DNAJC13: variants seen among roughly 807,000 people sequenced by gnomAD.
DNAJC13 encodes DnaJ heat shock protein family (Hsp40) member C13.
DNAJC13 carries 75 observed loss-of-function variants against 290.5 expected under a neutral mutation model. The observed-to-expected ratio is 0.26, with a 90% CI of 0.21 to 0.31. DNAJC13 has a LOEUF of 0.31. Ranked by LOEUF, DNAJC13 falls within the 10% of genes least tolerant of loss-of-function variation. The pLI is 1.00. For synonymous variants in DNAJC13, 862 were observed against 892.0 expected (o/e 0.97, Z 0.60); for missense variants, 2,260 against 2,674.5 (o/e 0.85, Z 3.42).
At chr3:132,461,278 G>A in intron 15 of DNAJC13, 73 bp downstream of exon 15, 14 of 1,517,726 alleles carry the variant, frequency 9.2e-6, no homozygotes, top group Non-Finnish European at 1.3e-5. Context: ...CTGTTTCTAA[G>A]ATAACATTTG....
At chr3:132,447,185 G>GT in intron 3 of DNAJC13, 136 bp from the exon 4 acceptor site, 1 of 728,752 alleles carries the variant, frequency 1.4e-6, no homozygotes, top group South Asian at 4.9e-5. Flanking sequence ...CAGAATTACT[G>GT]TAAGACACAA....
At chr3:132,463,618 T>G in intron 16 of DNAJC13, 78 bp from the exon 17 acceptor site, 1 of 1,472,092 alleles carries the variant, frequency 6.8e-7, no homozygotes, top group Non-Finnish European at 9.1e-7. Flanking sequence ...CATTTAAATA[T>G]GTAAAATTAG....
At chr3:132,465,010 T>G (rs954376001) in intron 17 of DNAJC13, among the ~76,000 whole-genome samples, 1 of 152,224 alleles carries the variant, frequency 6.6e-6, no homozygotes, top group Non-Finnish European at 1.5e-5. Context: ...AAATGTTATC[T>G]CTTTTGTCCC....
At chr3:132,470,841 G>T (rs1337048290) in intron 20 of DNAJC13, among the ~76,000 whole-genome samples, 1 of 131,876 alleles carries the variant, frequency 7.6e-6, no homozygotes, top group Non-Finnish European at 1.6e-5. Context: ...CAGGCGGGGG[G>T]CTGATCCCCC....
chr3:132,522,742 A>G, intron 48 of DNAJC13, 86 bp from the exon 49 acceptor site: 1 of 1,097,976 alleles, frequency 9.1e-7, no homozygotes, highest in Non-Finnish European at 1.3e-6. Context: ...AATTATGTTG[A>G]TATTCTATCT....
intron 2 of DNAJC13, among the ~76,000 whole-genome samples, chr3:132,445,088 G>T (rs1055117860): frequency 4.6e-5 from 7 of 151,982 alleles, no homozygotes; most frequent in African/African-American, 1.2e-4. Flanking sequence ...GATCTCTCTT[G>T]ATCTTAATGG....
At chr3:132,501,901 A>T (rs1935429290) in intron 39 of DNAJC13, among the ~76,000 whole-genome samples, 1 of 152,236 alleles carries the variant, frequency 6.6e-6, no homozygotes, top group South Asian at 2.1e-4. Context: ...ATTACAGAAT[A>T]AAAAACTGAC....
chr3:132,453,336 A>T lies in DNAJC13; in HGVS notation c.576A>T (p.Lys192Asn). ...FASEQREEIIKSAIDHAGNYI... is the reference protein window; with the variant it reads ...FASEQREEIINSAIDHAGNYI... ...CAGAGCAAAGAGAAGAGATTATTAA[A>T]AGTGCAATAGACCATGCTGGTAACT... Residue 192 changes from lysine (K) to asparagine (N), a missense_variant, in exon 7 of 56, where the codon AAA becomes AAT. Lys to Asn is a moderately conservative substitution (Grantham distance 94, BLOSUM62 0). Transcript: ENST00000260818. The T allele has an allele frequency of 6.2e-7, 1 of 1,613,862 alleles. No homozygotes were observed. The highest frequency in any genetic ancestry group is 8.5e-7 in the Non-Finnish European group (1 of 1,179,890).
At chr3:132,471,370 G>C (rs545016822) in intron 20 of DNAJC13, among the ~76,000 whole-genome samples, 2 of 147,210 alleles carry the variant, frequency 1.4e-5, no homozygotes, top group South Asian at 2.2e-4. Context: ...CCTCCCGGAC[G>C]GGGTGGCTGC....
At chr3:132,457,426 T>G (rs759076891) in intron 13 of DNAJC13, 58 bp downstream of exon 13, 1 of 1,332,192 alleles carries the variant, frequency 7.5e-7, no homozygotes, top group African/African-American at 1.5e-5. Context: ...GTGGTTTTGA[T>G]TTCCACAGTC....
rs138323071 is a variant in DNAJC13, at chr3:132,513,026, T to C, written c.5312T>C (p.Ile1771Thr). 62 of 1,613,088 alleles carry C rather than the reference T, an allele frequency of 3.8e-5. No homozygotes were observed. The African/African-American group carries it at 6.4e-4, about 17-fold the overall frequency. ...KYNPGSESEC[I>T]GHFKLIFSLL... is the part of the protein sequence containing the mutation. ...TCTCTAGGTTCTGAGAGTGAATGCATTGGGCACTTTAAGTTGATATTTTCT... is the reference window on the plus strand; with the variant it reads ...TCTCTAGGTTCTGAGAGTGAATGCACTGGGCACTTTAAGTTGATATTTTCT... Residue 1771 changes from isoleucine (I) to threonine (T), a missense_variant, in exon 45 of 56, where the codon ATT becomes ACT. Physicochemically the swap from Ile to Thr is moderately conservative, Grantham distance 89 (BLOSUM62 -1). Coordinates refer to ENST00000260818, the MANE Select transcript of DNAJC13 (RefSeq NM_015268.4).
At chr3:132,525,340 C>CA (rs1016040483) in intron 51 of DNAJC13, among the ~76,000 whole-genome samples, 1 of 151,598 alleles carries the variant, frequency 6.6e-6, no homozygotes, top group African/African-American at 2.4e-5. Flanking sequence ...AACTCCGTCT[C>CA]AAAAAAAACC....
At chr3:132,460,416 C>A in intron 14 of DNAJC13, 59 bp downstream of exon 14, 1 of 1,199,552 alleles carries the variant, frequency 8.3e-7, no homozygotes, top group Non-Finnish European at 1.2e-6. Flanking sequence ...GAAAGATATT[C>A]TAGAAGTGCC....
At chr3:132,505,848 A>G (rs187612305) in intron 42 of DNAJC13, among the ~76,000 whole-genome samples, 135 of 152,194 alleles carry the variant, frequency 8.9e-4, no homozygotes, top group African/African-American at 3.1e-3. Context: ...TAATCCATAC[A>G]CTAGATGGTT....
chr3:132,466,215 T>G, intron 18 of DNAJC13, 84 bp from the exon 19 acceptor site: 1 of 1,470,088 alleles, frequency 6.8e-7, no homozygotes, highest in East Asian at 2.3e-5. Flanking sequence ...CCTCAATAGC[T>G]AAGCCACAGT....
rs752864688 is a variant in DNAJC13 at position 132,426,973 on chromosome 3, T to C, written c.-13-7565T>C. On this transcript the variant is annotated intron_variant, in intron 1 of 55. Coordinates refer to ENST00000260818, the MANE Select transcript of DNAJC13 (RefSeq NM_015268.4). ...GACTTGTAATAGTATTTTGTAGGAA[T>C]AAAGTTGAAATAAAAGACAAGCTTA... 3.3e-5 allele frequency among the ~76,000 whole-genome samples: 5 copies of C among 151,806 alleles called. No individual in the cohort carries two copies. The South Asian group carries it at 8.3e-4, about 25-fold the overall frequency.
chr3:132,518,658 ATT>A (rs915702116), intron 48 of DNAJC13, among the ~76,000 whole-genome samples: 1 of 151,390 alleles, frequency 6.6e-6, no homozygotes, highest in African/African-American at 2.4e-5. Context: ...GTCTGGCCAA[ATT>A]TTTTTTTCCT....
At position 132,511,262 on chromosome 3, in the gene DNAJC13, T is replaced by C; in HGVS notation, c.5293+18T>C. 6.2e-7 allele frequency: 1 copy of C among 1,612,820 alleles called. No individual in the cohort carries two copies. The highest frequency in any genetic ancestry group is 1.1e-5 in the South Asian group (1 of 90,976). The stretch of plus-strand genomic sequence containing the variant: ...CAATCCAGGTATGTGACTACACCTT[T>C]GATCAATAAGACTCGTATAATACAG... On this transcript the variant is annotated intron_variant, in intron 44 of 55. Transcript: ENST00000260818.
chr3:132,500,942 TACAG>T, intron 39 of DNAJC13, 29 bp downstream of exon 39: 1 of 1,609,794 alleles, frequency 6.2e-7, no homozygotes, highest in Non-Finnish European at 8.5e-7. Context: ...GCTTTCTAGA[TACAG>T]ACAGCAAAGT....
Sources: allele counts gnomAD v4.1 joint callset (sites outside exome capture counted in the v4.1 genomes callset), GRCh38; gene constraint gnomAD v4.1.1; transcripts MANE v1.5; gene names NCBI Gene and HGNC (gene_info 2026-07-23, HGNC 2026-07-21).